The following EPX variants were observed in gnomAD, a reference collection of about 807,000 sequenced individuals.
The protein encoded by EPX is eosinophil peroxidase.
Under a neutral mutation model 73.0 loss-of-function variants are expected in EPX, and 60 were observed. That is an observed-to-expected ratio of 0.82 (90% confidence interval 0.67 to 1.02). The LOEUF (loss-of-function observed/expected upper bound fraction) is 1.02, where lower values mean the gene tolerates loss of function less well. Among genes scored for constraint, EPX ranks in the 50% least tolerant of loss-of-function variants. The pLI is 0.00. For missense variants in EPX, 950 were observed against 973.9 expected, an observed-to-expected ratio of 0.98 and a Z score of 0.33; for synonymous variants, 347 against 389.2, an observed-to-expected ratio of 0.89 and a Z score of 1.28.
intron 4 of EPX, 27 bp from the exon 5 acceptor site, chr17:58,193,936 G>C (rs764210039): frequency 6.2e-7 from 1 of 1,612,598 alleles, no homozygotes. Flanking sequence ...CCTGCCCCCT[G>C]CTAACCTATC....
intron 10 of EPX, among the ~76,000 whole-genome samples, chr17:58,202,058 G>C (rs1968349309): frequency 1.3e-5 from 2 of 152,166 alleles, no homozygotes; most frequent in South Asian, 4.1e-4. Context: ...TGAAGCCTAT[G>C]GTTGCTCAAC....
chr17:58,197,397 C>A, intron 7 of EPX, 140 bp downstream of exon 7: 1 of 1,011,712 alleles, frequency 9.9e-7, no homozygotes, highest in Non-Finnish European at 1.5e-6. Flanking sequence ...GATCTGTGCA[C>A]AGCCATCATA....
In EPX at chr17:58,199,044, C is replaced by G. The variant is rs765814728; in HGVS notation, c.1125C>G (p.Asp375Glu). The change falls in exon 8 of 13, where the codon GAC becomes GAG. Residue 375 changes from aspartate (D) to glutamate (E), a missense_variant. Coordinates refer to ENST00000225371, the MANE Select transcript of EPX (RefSeq NM_000502.6). Reference sequence around the variant, plus strand: ...TCTGAGCTTGGGGTTTTCAAGGTGACACCCGATCAACGGAAACCCCCAAAC... The same window carrying G: ...TCTGAGCTTGGGGTTTTCAAGGTGAGACCCGATCAACGGAAACCCCCAAAC... ...SARIPCFLAG[D>E]TRSTETPKLA... is the part of the protein sequence containing the mutation. 1 of 1,613,646 alleles carries G rather than the reference C, an allele frequency of 6.2e-7. No homozygotes were observed. The highest frequency in any genetic ancestry group is 8.5e-7 in the Non-Finnish European group (1 of 1,179,976).
chr17:58,203,356 G>A (rs1968369132), intron 11 of EPX, 38 bp downstream of exon 11: 2 of 1,365,958 alleles, frequency 1.5e-6, no homozygotes, highest in South Asian at 1.2e-5. Context: ...AGCACCAGAG[G>A]CAGAGCAGAA....
At position 58,200,195 on chromosome 17, in the gene EPX, A is replaced by G. The variant is rs751975691; in HGVS notation, c.1538-30A>G. The stretch of plus-strand genomic sequence containing the variant: ...AAGTAGCTTCCCAGAGGCTGGTCCA[A>G]TCTGTGCTGCTCACATTCCCTGCCA... On this transcript the variant is annotated intron_variant, in intron 9 of 12. Transcript: ENST00000225371. The G allele has an allele frequency of 1.9e-6, 3 of 1,612,238 alleles. No individual in the cohort carries two copies. The South Asian group carries it at 3.3e-5, about 18-fold the overall frequency.
chr17:58,197,530 C>T (rs1180361919), intron 7 of EPX, among the ~76,000 whole-genome samples: 1 of 152,174 alleles, frequency 6.6e-6, no homozygotes, highest in South Asian at 2.1e-4. Context: ...CAGGCAGCTC[C>T]GACTGTTAGA....
intron 1 of EPX, 39 bp downstream of exon 1, chr17:58,192,961 A>G: frequency 6.2e-7 from 1 of 1,605,022 alleles, no homozygotes; most frequent in Non-Finnish European, 8.5e-7. Context: ...AGGGAGGGGA[A>G]ATGGAAGGGG....
chr17:58,193,006 G>A (rs778688871), intron 1 of EPX, 32 bp from the exon 2 acceptor site: 25 of 1,592,990 alleles, frequency 1.6e-5, no homozygotes, highest in Non-Finnish European at 1.1e-5. Flanking sequence ...CTTGTGGCTT[G>A]CTGAACCCTG....
intron 11 of EPX, among the ~76,000 whole-genome samples, chr17:58,203,748 C>T (rs375824365): frequency 2.6e-5 from 4 of 151,270 alleles, no homozygotes; most frequent in East Asian, 1.9e-4. Flanking sequence ...CCGGCTAAAA[C>T]GGTGAAACCC....
chr17:58,196,888 T>C (rs1031789646), intron 6 of EPX, 51 bp from the exon 7 acceptor site: 1 of 1,365,106 alleles, frequency 7.3e-7, no homozygotes, highest in Admixed American at 1.7e-5. Flanking sequence ...CGGAGAGGAG[T>C]GAGTCTGCTA....
At chr17:58,199,001 G>C in intron 7 of EPX, 39 bp from the exon 8 acceptor site, 1 of 1,608,536 alleles carries the variant, frequency 6.2e-7, no homozygotes, top group Non-Finnish European at 8.5e-7. Context: ...ACATTTCTCT[G>C]GGAAAGGCTG....
rs772694048 is a variant in EPX at position 58,199,096 on chromosome 17, C to A, written c.1177C>A (p.Arg393=). 2 of 1,613,976 alleles carry A rather than the reference C, an allele frequency of 1.2e-6. No homozygotes were observed. The highest frequency in any genetic ancestry group is 4.5e-5 in the East Asian group (2 of 44,878). Residue 393 remains arginine (R), a synonymous_variant, in exon 8 of 13, where the codon CGA becomes AGA. Transcript: ENST00000225371. ...KLAAMHTLFM[R]EHNRLATELR... ...GGCAGCCATGCACACCCTCTTTATG[C>A]GAGAGCACAACCGGCTGGCCACCGA...
In EPX at chr17:58,204,194, T is replaced by G. The variant is rs373405064; in HGVS notation, c.1947-28T>G. ...TTATAAGGTAATTCCTCCCCAGCCT[T>G]CACCCACATCTCTCGACTGCCTGGT... On this transcript the variant is annotated intron_variant, in intron 11 of 12. Coordinates refer to ENST00000225371, the MANE Select transcript of EPX (RefSeq NM_000502.6). 20 of 1,564,518 alleles carry G rather than the reference T, an allele frequency of 1.3e-5. No individual in the cohort carries two copies. In the African/African-American group the frequency reaches 2.6e-4, roughly 20 times the overall value.
At chr17:58,203,917 G>A (rs1291304967) in intron 11 of EPX, among the ~76,000 whole-genome samples, 1 of 99,130 alleles carries the variant, frequency 1.0e-5, no homozygotes, top group Non-Finnish European at 1.7e-5. Context: ...GGGCGACAGA[G>A]CGAGACTCCG....
At chr17:58,195,561 T>G (rs1450171816) in intron 6 of EPX, among the ~76,000 whole-genome samples, 2 of 152,142 alleles carry the variant, frequency 1.3e-5, no homozygotes, top group Non-Finnish European at 2.9e-5. Flanking sequence ...TTCTTGGGCT[T>G]GGGCTGTAAG....
chr17:58,199,742 G>T lies in EPX; in HGVS notation c.1485G>T (p.Ser495=). The change falls in exon 9 of 13, where the codon TCG becomes TCT. Residue 495 remains serine (S), a synonymous_variant. Transcript: ENST00000225371. ...AGTACCGGGCCTCCGCACCCAACTC[G>T]CATGTCCCACTTAGCTCTGCCTTCT... ...DSQYRASAPN[S]HVPLSSAFFA... The T allele has an allele frequency of 1.2e-6, 2 of 1,613,924 alleles. No individual in the cohort carries two copies. Among genetic ancestry groups the T allele is most frequent in the Non-Finnish European group, 8.5e-7 (1 of 1,179,990 alleles).
rs762221730 is a variant in EPX, at chr17:58,199,155, C to T, written c.1236C>T (p.Asp412=). The T allele has an allele frequency of 8.1e-6, 13 of 1,614,112 alleles. No homozygotes were observed. In the South Asian group the frequency reaches 1.3e-4, roughly 16 times the overall value. Residue 412 remains aspartate, a synonymous_variant, in exon 8 of 13, where the codon GAC becomes GAT. Transcript: ENST00000225371. The part of the protein sequence containing the change: ...LRRLNPRWNG[D]KLYNEARKIM... ...GCCTGAATCCCCGGTGGAATGGAGA[C>T]AAACTGTACAATGAGGCTCGGAAGA...
At chr17:58,200,792 T>C (rs1968330060) in intron 10 of EPX, among the ~76,000 whole-genome samples, 2 of 152,184 alleles carry the variant, frequency 1.3e-5, no homozygotes, top group African/African-American at 4.8e-5. Flanking sequence ...CTCCTTGCTC[T>C]AAGTGGAGAA....
At chr17:58,193,903 T>A in intron 4 of EPX, 60 bp from the exon 5 acceptor site, 1 of 1,609,930 alleles carries the variant, frequency 6.2e-7, no homozygotes, top group Non-Finnish European at 8.5e-7. Context: ...ACCCTCTCCC[T>A]CCATGCTGAG....
Sources: allele counts gnomAD v4.1 joint callset (sites outside exome capture counted in the v4.1 genomes callset), GRCh38; gene constraint gnomAD v4.1.1; transcripts MANE v1.5; gene names NCBI Gene and HGNC (gene_info 2026-07-23, HGNC 2026-07-21).